The following TRPM2 variants were observed in gnomAD, a reference collection of about 807,000 sequenced individuals.
TRPM2 encodes the protein estrogen-responsive element-associated gene 1 protein.
A neutral mutation model predicts 174.0 loss-of-function variants in TRPM2; 161 were observed. The ratio of observed to expected loss-of-function variants is 0.93; its 90% CI spans 0.81 to 1.05. The LOEUF (loss-of-function observed/expected upper bound fraction) is 1.05. Ranked by LOEUF, TRPM2 falls within the 50% of genes least tolerant of loss-of-function variation. TRPM2 has a pLI of 0.00. For synonymous variants in TRPM2, 954 were observed against 861.3 expected (o/e 1.11, Z -1.88); for missense variants, 2,057 against 2,038.0 (o/e 1.01, Z -0.18).
intron 27 of TRPM2, among the ~76,000 whole-genome samples, chr21:44,431,759 A>T (rs1396891832): frequency 6.6e-6 from 1 of 152,222 alleles, no homozygotes; most frequent in African/African-American, 2.4e-5. Flanking sequence ...TACGGGCGTG[A>T]GCCACTATGC....
intron 15 of TRPM2, among the ~76,000 whole-genome samples, chr21:44,400,824 C>A (rs577216540): frequency 3.4e-4 from 52 of 152,012 alleles, no homozygotes; most frequent in African/African-American, 1.3e-3. Flanking sequence ...ACACGGCTGG[C>A]CATGGTTGAA....
Position 44,354,568 on chromosome 21 carries a change from G to C in TRPM2, c.166-80G>C. On this transcript the variant is annotated intron_variant, in intron 1 of 31. Coordinates refer to ENST00000397928, the MANE Select transcript of TRPM2 (RefSeq NM_003307.4). The surrounding 1 kb of genome is among the most constrained non-coding windows in gnomAD (Gnocchi z 4.3). Reference sequence around the variant, plus strand: ...AGCAAATAGTGTGAAAGCTCCTCAAGGAGCTCAGATGTGTCTCCAGGGGGC... The same window carrying C: ...AGCAAATAGTGTGAAAGCTCCTCAACGAGCTCAGATGTGTCTCCAGGGGGC... 1 of 1,277,674 alleles carries C rather than the reference G, an allele frequency of 7.8e-7. No homozygotes were observed. The highest frequency in any genetic ancestry group is 1.1e-6 in the Non-Finnish European group (1 of 877,332). 79.1% of individuals were successfully genotyped at this position (1,277,674 alleles called of 1,614,324 possible). A position where few individuals can be genotyped will look rare whatever the true frequency, so the allele number is the denominator to read the frequency against.
At chr21:44,369,461 G>C in intron 5 of TRPM2, 118 bp downstream of exon 5, 4 of 1,197,574 alleles carry the variant, frequency 3.3e-6, no homozygotes, top group East Asian at 5.3e-5. Flanking sequence ...ACGTCTGACC[G>C]GGCGCTGTGG....
Position 44,375,988 on chromosome 21 carries a change from A to G in TRPM2, c.927A>G (p.Ile309Met), listed in dbSNP as rs765972687. 2.5e-6 allele frequency: 4 copies of G among 1,614,012 alleles called. No homozygotes were observed. The highest frequency in any genetic ancestry group is 2.5e-6 in the Non-Finnish European group (3 of 1,179,934). The change falls in exon 6 of 32, where the codon ATA becomes ATG. Residue 309 changes from isoleucine (I) to methionine (M), a missense_variant. Ile to Met is a conservative substitution (Grantham distance 10, BLOSUM62 1). Coordinates refer to ENST00000397928, the MANE Select transcript of TRPM2 (RefSeq NM_003307.4). ...TGAGGACCAGGCTGGAGAAGTTCAT[A>G]TCGGAGCAGACCAAGGAAAGAGGAG... ...IPLRTRLEKF[I>M]SEQTKERGGV...
At chr21:44,407,476 T>TTTA (rs1555897773) in intron 19 of TRPM2, among the ~76,000 whole-genome samples, 12 of 93,254 alleles carry the variant, frequency 1.3e-4, no homozygotes, top group Admixed American at 2.7e-4. Flanking sequence ...TTTTTTTTTT[T>TTTA]AACAGCTTCA....
In TRPM2 at chr21:44,353,758, C is replaced by T; in HGVS notation, c.58C>T (p.Leu20=). The T allele has an allele frequency of 1.9e-6, 3 of 1,594,858 alleles. No homozygotes were observed. Among genetic ancestry groups the T allele is most frequent in the South Asian group, 1.1e-5 (1 of 88,354 alleles). The part of the protein sequence containing the change: ...GSEQEEGFEG[L]PRRVTDLGMV... ...GGAGCAGGAGGAGGGCTTTGAGGGG[C>T]TGCCCAGAAGGGTCACTGACCTGGG... Residue 20 remains leucine, a synonymous_variant, in exon 1 of 32, where the codon CTG becomes TTG. Coordinates refer to ENST00000397928, the MANE Select transcript of TRPM2 (RefSeq NM_003307.4).
chr21:44,428,730 G>A (rs532601506), intron 27 of TRPM2, among the ~76,000 whole-genome samples: 2 of 138,240 alleles, frequency 1.4e-5, no homozygotes, highest in Non-Finnish European at 1.6e-5. Context: ...CTGAGGTGTG[G>A]CTCCTCCCCT....
intron 27 of TRPM2, among the ~76,000 whole-genome samples, chr21:44,429,749 A>G (rs539718579): frequency 9.8e-5 from 15 of 152,302 alleles, no homozygotes; most frequent in African/African-American, 3.6e-4. Flanking sequence ...GCAAATAACA[A>G]TATTGTCTTT....
intron 12 of TRPM2, 34 bp downstream of exon 12, chr21:44,395,585 C>T (rs763940794): frequency 1.2e-6 from 2 of 1,611,522 alleles, no homozygotes; most frequent in Non-Finnish European, 1.7e-6. Context: ...TCAGCAGACA[C>T]AGCTATAGGC....
At chr21:44,386,039 G>C (rs1445593698) in intron 9 of TRPM2, among the ~76,000 whole-genome samples, 1 of 152,084 alleles carries the variant, frequency 6.6e-6, no homozygotes, top group Non-Finnish European at 1.5e-5. Context: ...ACATACCCCT[G>C]AACTAAGAAA....
chr21:44,377,272 A>G (rs1275137248), intron 6 of TRPM2, among the ~76,000 whole-genome samples: 1 of 152,168 alleles, frequency 6.6e-6, no homozygotes, highest in East Asian at 1.9e-4. Context: ...TGGACACAGG[A>G]TGGACGTGCC....
intron 28 of TRPM2, among the ~76,000 whole-genome samples, chr21:44,435,614 CGGG>C (rs2051216458): frequency 1.4e-5 from 2 of 145,934 alleles, no homozygotes; most frequent in African/African-American, 5.1e-5. Flanking sequence ...CACCCATCCA[CGGG>C]GACACAGTCC....
Position 44,426,686 on chromosome 21 carries a change from C to A in TRPM2, c.3822C>A (p.Pro1274=), listed in dbSNP as rs748258859. The change falls in exon 26 of 32, where the codon CCC becomes CCA. Residue 1274 remains proline (P), a synonymous_variant. Coordinates refer to ENST00000397928, the MANE Select transcript of TRPM2 (RefSeq NM_003307.4). ...WETEFLIYDP[P]FYTAERKDAA... Reference sequence around the variant, plus strand: ...CGGAGTTCCTGATCTATGACCCACCCTTTTACACGGCAGAGAGGAAGGACG... The same window carrying A: ...CGGAGTTCCTGATCTATGACCCACCATTTTACACGGCAGAGAGGAAGGACG... The A allele has an allele frequency of 1.2e-6, 2 of 1,614,192 alleles. No individual in the cohort carries two copies. The highest frequency in any genetic ancestry group is 2.2e-5 in the South Asian group (2 of 91,088).
At chr21:44,352,679 G>A (rs2123002509), upstream of TRPM2, among the ~76,000 whole-genome samples, 12 of 152,202 alleles carry the variant, frequency 7.9e-5, no homozygotes, top group African/African-American at 2.4e-4. Flanking sequence ...ACTCAGGGAG[G>A]CCCCGCAGGG....
chr21:44,405,815 G>A (rs1034031063), intron 17 of TRPM2, 90 bp from the exon 18 acceptor site: 3 of 1,509,230 alleles, frequency 2.0e-6, no homozygotes, highest in African/African-American at 2.8e-5. Flanking sequence ...GCCCACCTGG[G>A]CTAGGACAGG....
intron 27 of TRPM2, among the ~76,000 whole-genome samples, chr21:44,429,160 C>T (rs116461628): frequency 0.015 from 2,298 of 151,758 alleles, 69 homozygotes; most frequent in African/African-American, 0.051. Flanking sequence ...TTCTCTTTGT[C>T]CTTCCCTAAA....
chr21:44,409,905 G>C (rs1292677238), intron 19 of TRPM2, among the ~76,000 whole-genome samples: 3 of 150,148 alleles, frequency 2.0e-5, no homozygotes, highest in Non-Finnish European at 4.4e-5. Flanking sequence ...GCACTGTCTT[G>C]GCGTAGCCTT....
Position 44,397,778 on chromosome 21 carries a change from G to A in TRPM2, c.1964G>A (p.Cys655Tyr), listed in dbSNP as rs1210777450. ...SQDCIAAALA[C>Y]SKILKELSKE... is the part of the protein sequence containing the mutation. ...GACTGCATCGCAGCGGCCTTGGCCTGCAGCAAGATCCTGAAGGAACTGTCC... is the reference window on the plus strand; with the variant it reads ...GACTGCATCGCAGCGGCCTTGGCCTACAGCAAGATCCTGAAGGAACTGTCC... The change falls in exon 13 of 32, where the codon TGC (cysteine) becomes TAC (tyrosine). Residue 655 changes from cysteine (C) to tyrosine (Y), a missense_variant. Transcript: ENST00000397928. The A allele has an allele frequency of 5.0e-6, 8 of 1,601,356 alleles. No individual in the cohort carries two copies. Among genetic ancestry groups the A allele is most frequent in the Admixed American group, 1.7e-5 (1 of 58,602 alleles).
intron 24 of TRPM2, 154 bp from the exon 25 acceptor site, chr21:44,425,516 A>T: frequency 1.1e-6 from 1 of 920,088 alleles, no homozygotes. Flanking sequence ...TGCCCACTTC[A>T]GAGCTGGTGT....
Sources: gnomAD v4.1 joint callset for allele counts (sites outside exome capture counted in the v4.1 genomes callset) on GRCh38, gnomAD v4.1.1 for gene constraint, Gnocchi (gnomAD v3.1) non-coding constraint, MANE v1.5 for transcripts, NCBI Gene and HGNC (gene_info 2026-07-23, HGNC 2026-07-21) for gene names.